Variants in C12orf75 observed in about 807,000 individuals in gnomAD.
C12orf75 encodes the protein overexpressed in colon carcinoma 1 protein.
In C12orf75, 4 loss-of-function variants were observed where a neutral mutation model predicts 11.4. The ratio of observed to expected loss-of-function variants is 0.35; its 90% CI spans 0.17 to 0.80. The LOEUF (loss-of-function observed/expected upper bound fraction) is 0.80. C12orf75 is among the 30% of genes least tolerant of loss of function. The pLI is 0.52. For missense variants in C12orf75, 89 were observed against 80.4 expected (o/e 1.11, Z -0.41); for synonymous variants, 30 against 30.0 (o/e 1.00, Z 0.00).
chr12:105,361,774 C>G (rs1287176833), intron 2 of C12orf75, among the ~76,000 whole-genome samples: 3 of 152,198 alleles, frequency 2.0e-5, no homozygotes, highest in African/African-American at 7.2e-5. Flanking sequence ...GGCAGGACAG[C>G]ATTTGGTTCT....
chr12:105,342,448 G>T (rs1892587448), intron 1 of C12orf75, among the ~76,000 whole-genome samples: 2 of 152,168 alleles, frequency 1.3e-5, no homozygotes, highest in South Asian at 4.1e-4. Context: ...CTCAATCTTG[G>T]ACTTCCCAGC....
chr12:105,352,404 T>G (rs1293986431), intron 2 of C12orf75, among the ~76,000 whole-genome samples: 1 of 152,092 alleles, frequency 6.6e-6, no homozygotes, highest in Non-Finnish European at 1.5e-5. Flanking sequence ...AGGAGGCAAA[T>G]TTTCAGAATA....
chr12:105,364,867 A>G (rs890895188), intron 2 of C12orf75, among the ~76,000 whole-genome samples: 16 of 146,126 alleles, frequency 1.1e-4, no homozygotes, highest in South Asian at 2.2e-4. Context: ...TTTGAGACCA[A>G]GTATCCCTCT....
chr12:105,330,971 C>G, intron 1 of C12orf75, 34 bp downstream of exon 1: 11 of 814,524 alleles, frequency 1.4e-5, no homozygotes, highest in East Asian at 3.4e-5. Context: ...CCGGCGGGGG[C>G]GGGCGGGAGA....
intron 5 of C12orf75, among the ~76,000 whole-genome samples, chr12:105,370,104 G>A (rs1871586210): frequency 6.6e-6 from 1 of 152,204 alleles, no homozygotes; most frequent in African/African-American, 2.4e-5. Context: ...ATGTCAGGAT[G>A]CAGATGTGTA....
intron 2 of C12orf75, among the ~76,000 whole-genome samples, chr12:105,356,899 T>C (rs1892789189): frequency 1.3e-5 from 2 of 152,218 alleles, no homozygotes; most frequent in Admixed American, 6.5e-5. Flanking sequence ...TAAATCATAG[T>C]AATTTAAAAT....
chr12:105,330,922 G>A lies in C12orf75; in HGVS notation c.31G>A (p.Ala11Thr), dbSNP rs1196711823. The A allele has an allele frequency of 1.6e-6, 2 of 1,240,520 alleles. No homozygotes were observed. Among genetic ancestry groups the A allele is most frequent in the Non-Finnish European group, 2.0e-6 (2 of 994,280 alleles). 76.8% of individuals were successfully genotyped at this position (1,240,520 alleles called of 1,614,324 possible). ...CTGCGGGAACTCCACCGCCACCAGC[G>A]CGGGCGCGGGCCAAGGTGAGTCCGG... is the stretch of plus-strand genomic sequence containing the variant. Reference protein sequence around the residue: MGCGNSTATSAGAGQGPAGAA... With the variant: MGCGNSTATSTGAGQGPAGAA... The change falls in exon 1 of 6, where the codon GCG becomes ACG. Residue 11 changes from alanine to threonine, a missense_variant. By Grantham distance (58) the Ala-to-Thr change is moderately conservative. Coordinates refer to ENST00000443585, the MANE Select transcript of C12orf75 (RefSeq NM_001145199.2).
chr12:105,345,366 T>C (rs556763679), intron 1 of C12orf75, among the ~76,000 whole-genome samples: 1 of 152,030 alleles, frequency 6.6e-6, no homozygotes, highest in South Asian at 2.1e-4. Flanking sequence ...GGTGCACGCC[T>C]GTAATCCCAG....
chr12:105,347,835 C>T (rs571788931), intron 1 of C12orf75, among the ~76,000 whole-genome samples: 4 of 152,348 alleles, frequency 2.6e-5, no homozygotes, highest in African/African-American at 7.2e-5. Context: ...TGGAGCTAGG[C>T]TGGTGTGTTT....
chr12:105,368,517 A>G (rs1420655239), intron 5 of C12orf75, among the ~76,000 whole-genome samples: 2 of 152,216 alleles, frequency 1.3e-5, no homozygotes, highest in African/African-American at 2.4e-5. Flanking sequence ...TAAATATGAA[A>G]TAAATGTTAG....
chr12:105,332,952 G>A (rs1239677776), intron 1 of C12orf75, among the ~76,000 whole-genome samples: 4 of 148,594 alleles, frequency 2.7e-5, no homozygotes, highest in South Asian at 2.1e-4. Context: ...AAAAGCTACC[G>A]AAAGAGTAGT....
chr12:105,345,658 C>CGTTTTT (rs1202472275), intron 1 of C12orf75, among the ~76,000 whole-genome samples: 1 of 46,704 alleles, frequency 2.1e-5, no homozygotes, highest in Non-Finnish European at 3.7e-5. Flanking sequence ...TAGTGTCTGG[C>CGTTTTT]CTTTTTTTTT....
chr12:105,334,741 G>T (rs892348543), intron 1 of C12orf75, among the ~76,000 whole-genome samples: 1 of 152,152 alleles, frequency 6.6e-6, no homozygotes, highest in African/African-American at 2.4e-5. Flanking sequence ...TTACTCACTT[G>T]TTTTTCCCCC....
intron 1 of C12orf75, among the ~76,000 whole-genome samples, chr12:105,332,931 A>G (rs1047228843): frequency 1.9e-3 from 182 of 96,492 alleles, no homozygotes; most frequent in Non-Finnish European, 3.1e-3. Context: ...AGTCATATTG[A>G]AAAAAAAAAA....
At position 105,330,833 on chromosome 12, in the gene C12orf75, C is replaced by A; in HGVS notation, c.-59C>A. The stretch of plus-strand genomic sequence containing the variant: ...GGTGCGCCGCCCTTCGTCTGGGTCT[C>A]CGCCCCCAGGACCCGCGGCCGAGAG... On this transcript the variant is annotated 5_prime_UTR_variant, in exon 1 of 6. Transcript: ENST00000443585. 8.1e-7 allele frequency: 1 copy of A among 1,239,046 alleles called. No individual in the cohort carries two copies. Among genetic ancestry groups the A allele is most frequent in the South Asian group, 3.4e-5 (1 of 29,590 alleles). 76.8% of individuals were successfully genotyped at this position (1,239,046 alleles called of 1,614,324 possible). A position where few individuals can be genotyped will look rare whatever the true frequency, so the allele number is the denominator to read the frequency against.
chr12:105,342,029 G>A (rs189362944), intron 1 of C12orf75, among the ~76,000 whole-genome samples: 37 of 152,336 alleles, frequency 2.4e-4, no homozygotes, highest in Non-Finnish European at 4.6e-4. Context: ...AGTCAATTAA[G>A]CATGTTTCCT....
chr12:105,351,111 A>G (rs1037599614), intron 2 of C12orf75, among the ~76,000 whole-genome samples: 4 of 152,234 alleles, frequency 2.6e-5, no homozygotes, highest in Non-Finnish European at 5.9e-5. Context: ...GGCACGTTCA[A>G]TTTTTTAAGT....
chr12:105,345,900 G>C (rs1283399725), intron 1 of C12orf75, among the ~76,000 whole-genome samples: 1 of 151,798 alleles, frequency 6.6e-6, no homozygotes, highest in Non-Finnish European at 1.5e-5. Flanking sequence ...CTGACCTCAG[G>C]TGATCCACCC....
chr12:105,339,765 C>T (rs902008903), intron 1 of C12orf75, among the ~76,000 whole-genome samples: 15 of 151,950 alleles, frequency 9.9e-5, no homozygotes, highest in African/African-American at 3.4e-4. Context: ...TATAGGCGCC[C>T]GCCACCACGC....
Sources: allele counts gnomAD v4.1 joint callset (sites outside exome capture counted in the v4.1 genomes callset), GRCh38; gene constraint gnomAD v4.1.1; transcripts MANE v1.5; gene names NCBI Gene and HGNC (gene_info 2026-07-23, HGNC 2026-07-21).